The following UBR3 variants were observed in gnomAD, a reference collection of about 807,000 sequenced individuals.
The protein encoded by UBR3 is ubiquitin protein ligase E3 component n-recognin 3.
A neutral mutation model predicts 243.2 loss-of-function variants in UBR3; 85 were observed. The observed-to-expected ratio is 0.35, with a 90% CI of 0.29 to 0.42. The LOEUF (loss-of-function observed/expected upper bound fraction) is 0.42, where lower values mean the gene tolerates loss of function less well. Among genes scored for constraint, UBR3 ranks in the 10% least tolerant of loss-of-function variants. The probability of loss-of-function intolerance (pLI) is 1.00; values close to 1 mark genes in which losing one functional copy is unlikely to be tolerated. For missense variants in UBR3, 1,686 were observed against 2,300.8 expected, an observed-to-expected ratio of 0.73 and a Z score of 5.47; for synonymous variants, 748 against 799.8, an observed-to-expected ratio of 0.94 and a Z score of 1.09.
At chr2:169,978,216 A>T (rs6721453) in intron 24 of UBR3, among the ~76,000 whole-genome samples, 16,309 of 152,008 alleles carry the variant, frequency 0.11, 1,144 homozygotes, top group Admixed American at 0.19. Flanking sequence ...ACCCAAGGGG[A>T]TCCCTCTTGG....
intron 36 of UBR3, among the ~76,000 whole-genome samples, chr2:170,079,552 T>C (rs1241279231): frequency 1.3e-5 from 2 of 152,294 alleles, no homozygotes; most frequent in East Asian, 3.9e-4. Flanking sequence ...TTTAAAGTAA[T>C]AACAAGTTTA....
chr2:169,960,330 G>C (rs1369426410), intron 24 of UBR3, among the ~76,000 whole-genome samples: 1 of 151,038 alleles, frequency 6.6e-6, no homozygotes, highest in Non-Finnish European at 1.5e-5. Flanking sequence ...GTTTAGACTT[G>C]GGTTCCAGCC....
chr2:169,829,384 CTAA>C (rs1283041154), intron 1 of UBR3, among the ~76,000 whole-genome samples: 1 of 149,806 alleles, frequency 6.7e-6, no homozygotes, highest in Non-Finnish European at 1.5e-5. Context: ...TTTGAATTTG[CTAA>C]TAATAATAAC....
chr2:170,001,319 G>A lies in UBR3; in HGVS notation c.3934G>A (p.Ala1312Thr). 3 of 1,611,690 alleles carry A rather than the reference G, an allele frequency of 1.9e-6. No homozygotes were observed. The highest frequency in any genetic ancestry group is 2.5e-6 in the Non-Finnish European group (3 of 1,178,120). Residue 1312 changes from alanine (A) to threonine (T), a missense_variant, in exon 27 of 39, where the codon GCA becomes ACA. This residue lies in a region of UBR3 where 156 missense variants were observed against 246.3 expected (regional missense o/e 0.63). Transcript: ENST00000272793. ...TATTTTGAAGAGTTCATGTCTCTTGGCAGTATCAATTGGCTGGGAAGGAGG... is the reference window on the plus strand; with the variant it reads ...TATTTTGAAGAGTTCATGTCTCTTGACAGTATCAATTGGCTGGGAAGGAGG... ...RYFKDSSCLLAVSIGWEGGVY... is the reference protein window; with the variant it reads ...RYFKDSSCLLTVSIGWEGGVY...
At chr2:169,854,598 C>A (rs1419097510) in intron 1 of UBR3, among the ~76,000 whole-genome samples, 2 of 152,036 alleles carry the variant, frequency 1.3e-5, no homozygotes, top group Admixed American at 1.3e-4. Context: ...TATAAACTTA[C>A]ATACACAGGA....
chr2:170,015,998 A>G (rs1204923802), intron 30 of UBR3, among the ~76,000 whole-genome samples: 1 of 151,920 alleles, frequency 6.6e-6, no homozygotes, highest in African/African-American at 2.4e-5. Flanking sequence ...GAATATCAGC[A>G]TATAGCTGAT....
At position 170,079,914 on chromosome 2, in the gene UBR3, G is replaced by T; in HGVS notation, c.5300G>T (p.Ser1767Ile). 1 of 1,614,068 alleles carries T rather than the reference G, an allele frequency of 6.2e-7. No individual in the cohort carries two copies. Among genetic ancestry groups the T allele is most frequent in the Non-Finnish European group, 8.5e-7 (1 of 1,179,974 alleles). The change falls in exon 37 of 39, where the codon AGT (serine) becomes ATT (isoleucine). Residue 1767 changes from serine to isoleucine, a missense_variant. Around this residue, in one of 8 missense-constraint regions of UBR3, gnomAD observed 89 missense variants for 183.3 expected, o/e 0.49. Coordinates refer to ENST00000272793, the MANE Select transcript of UBR3 (RefSeq NM_172070.4). The stretch of plus-strand genomic sequence containing the variant: ...CAGTACTACCACAGAAAAACCTGTA[G>T]TGTCTGCACCAAGGTTCCTAAAGAT... ...IFQYYHRKTC[S>I]VCTKVPKDPA...
At chr2:169,836,619 A>G (rs1156626931) in intron 1 of UBR3, among the ~76,000 whole-genome samples, 2 of 151,598 alleles carry the variant, frequency 1.3e-5, no homozygotes, top group African/African-American at 4.9e-5. Context: ...TACATCCTGC[A>G]CATGTAATTC....
intron 19 of UBR3, among the ~76,000 whole-genome samples, chr2:169,939,524 C>T (rs1214823246): frequency 1.3e-5 from 2 of 151,826 alleles, no homozygotes; most frequent in African/African-American, 4.8e-5. Context: ...ACCTCAGTCT[C>T]CCAAAGTGCT....
intron 1 of UBR3, among the ~76,000 whole-genome samples, chr2:169,856,355 A>G (rs1357153166): frequency 7.0e-6 from 1 of 141,982 alleles, no homozygotes; most frequent in Non-Finnish European, 1.5e-5. Flanking sequence ...CAGACTGGGC[A>G]GCCGGGCAGA....
chr2:170,066,819 C>T (rs961489360), intron 35 of UBR3, among the ~76,000 whole-genome samples: 1 of 151,936 alleles, frequency 6.6e-6, no homozygotes, highest in African/African-American at 2.4e-5. Context: ...CAAAAATTAG[C>T]CAGGCATGGT....
At position 169,932,938 on chromosome 2, in the gene UBR3, C is replaced by A; in HGVS notation, c.2593C>A (p.Pro865Thr). 6.5e-7 allele frequency: 1 copy of A among 1,541,474 alleles called. No individual in the cohort carries two copies. The highest frequency in any genetic ancestry group is 8.7e-7 in the Non-Finnish European group (1 of 1,143,906). ...TGAAGTCTGGGATCAAGAGTTTGACCCCGTCATGGTCATTCTTCGAACAGT... is the reference window on the plus strand; with the variant it reads ...TGAAGTCTGGGATCAAGAGTTTGACACCGTCATGGTCATTCTTCGAACAGT... The part of the protein sequence containing the change: ...KAEVWDQEFD[P>T]VMVILRTVYR... The change falls in exon 19 of 39, where the codon CCC (proline) becomes ACC (threonine). Residue 865 changes from proline (P) to threonine (T), a missense_variant. By Grantham distance (38) the Pro-to-Thr change is conservative. Coordinates refer to ENST00000272793, the MANE Select transcript of UBR3 (RefSeq NM_172070.4).
At chr2:169,881,911 GTATA>G (rs1559053642) in intron 5 of UBR3, among the ~76,000 whole-genome samples, 4 of 44,706 alleles carry the variant, frequency 8.9e-5, no homozygotes, top group Non-Finnish European at 2.2e-4. Context: ...ATAGGTATAT[GTATA>G]TGTATACATG....
Position 169,836,029 on chromosome 2 carries a change from CTCTCTCTCTCTCTCTA to C in UBR3, c.545+7979_545+7994del, listed in dbSNP as rs1475209785. Among the ~76,000 whole-genome samples the C allele has an allele frequency of 3.7e-3, 99 of 26,762 alleles. 2 individuals carry two copies. Among genetic ancestry groups the C allele is most frequent in the Non-Finnish European group, 5.0e-3 (67 of 13,500 alleles). The allele number at this position is 26,762 out of a possible 152,430, so 17.6% of individuals were successfully genotyped here. A position where few individuals can be genotyped will look rare whatever the true frequency, so the allele number is the denominator to read the frequency against. ...TCTCTCTCTCTCTCTCTCTCTCTCTCTCTCTCTCTCTCTCTATATATATATATATATATATATATTT... is the reference window on the plus strand; with the variant it reads ...TCTCTCTCTCTCTCTCTCTCTCTCTCTATATATATATATATATATATATTT... On this transcript the variant is annotated intron_variant, in intron 1 of 38. Coordinates refer to ENST00000272793, the MANE Select transcript of UBR3 (RefSeq NM_172070.4).
At chr2:169,986,947 G>A (rs938661471) in intron 25 of UBR3, among the ~76,000 whole-genome samples, 153 bp downstream of exon 25, 4 of 152,056 alleles carry the variant, frequency 2.6e-5, no homozygotes, top group African/African-American at 7.2e-5. Flanking sequence ...ATTCTTTATC[G>A]GTTATATCTT....
chr2:169,907,779 A>ATT (rs144751242), intron 10 of UBR3, among the ~76,000 whole-genome samples: 2 of 150,664 alleles, frequency 1.3e-5, no homozygotes, highest in South Asian at 4.2e-4. Context: ...TAATTTTTAA[A>ATT]TTTTTTTTTA....
intron 1 of UBR3, among the ~76,000 whole-genome samples, chr2:169,838,663 C>G (rs1020503732): frequency 3.3e-5 from 5 of 152,084 alleles, no homozygotes; most frequent in African/African-American, 1.2e-4. Context: ...CTGCCTCTGC[C>G]CCTCGCCCCC....
intron 30 of UBR3, among the ~76,000 whole-genome samples, chr2:170,017,540 C>CAG (rs1332544042): frequency 0.088 from 3,801 of 43,296 alleles, 63 homozygotes; most frequent in African/African-American, 0.13. Flanking sequence ...CACACACACA[C>CAG]ACACAGACAC....
chr2:169,945,662 G>T (rs1007821051), intron 20 of UBR3, among the ~76,000 whole-genome samples: 2 of 152,118 alleles, frequency 1.3e-5, no homozygotes, highest in African/African-American at 2.4e-5. Context: ...GGTATTTTAG[G>T]TATCTTCTGG....
Sources: gnomAD v4.1 joint callset for allele counts (sites outside exome capture counted in the v4.1 genomes callset) on GRCh38, gnomAD v4.1.1 for gene constraint, gnomAD v4.1.1 regional missense constraint, MANE v1.5 for transcripts, NCBI Gene and HGNC (gene_info 2026-07-23, HGNC 2026-07-21) for gene names.